NRG1: variants seen among roughly 807,000 people sequenced by gnomAD.
NRG1 encodes the protein pro-neuregulin-1, membrane-bound isoform.
NRG1 carries 18 observed loss-of-function variants against 63.8 expected under a neutral mutation model. The observed-to-expected ratio is 0.28, with a 90% CI of 0.19 to 0.42. The LOEUF (loss-of-function observed/expected upper bound fraction) is 0.42. Among genes scored for constraint, NRG1 ranks in the 10% least tolerant of loss-of-function variants. The pLI is 1.00. For synonymous variants in NRG1, 302 were observed against 301.3 expected, an observed-to-expected ratio of 1.00 and a Z score of -0.02; for missense variants, 762 against 814.7, an observed-to-expected ratio of 0.94 and a Z score of 0.79.
intron 1 of NRG1, among the ~76,000 whole-genome samples, chr8:31,810,917 C>T (rs1822820054): frequency 6.6e-6 from 1 of 152,140 alleles, no homozygotes; most frequent in Non-Finnish European, 1.5e-5. Flanking sequence ...GAAGGTTTTG[C>T]TTTACTGTGA....
At chr8:32,406,234 G>A (rs1813957373) in intron 1 of NRG1, among the ~76,000 whole-genome samples, 1 of 152,078 alleles carries the variant, frequency 6.6e-6, no homozygotes, top group Admixed American at 6.6e-5. Flanking sequence ...AGAATTACAT[G>A]GGATAATTCA....
At position 32,672,784 on chromosome 8, in the gene NRG1, A is replaced by G. The variant is rs575907766; in HGVS notation, c.503-55165A>G. On this transcript the variant is annotated intron_variant, in intron 5 of 11. Coordinates refer to ENST00000356819, the Ensembl canonical transcript of NRG1. ...AAATAATATCAATAACAATATAGTA[A>G]TAATGGCCATTGTTGTTGTTATGTT... is the stretch of plus-strand genomic sequence containing the variant. 3.4e-3 allele frequency among the ~76,000 whole-genome samples: 517 copies of G among 152,298 alleles called. 4 individuals carry two copies. The highest frequency in any genetic ancestry group is 0.012 in the African/African-American group (499 of 41,570).
intron 1 of NRG1, among the ~76,000 whole-genome samples, chr8:32,304,559 CT>C (rs1855977920): frequency 6.6e-6 from 1 of 151,666 alleles, no homozygotes; most frequent in Non-Finnish European, 1.5e-5. Context: ...TGATTTTTGA[CT>C]TTTAAATATT....
At chr8:31,668,165 A>AT (rs2130979488) in intron 1 of NRG1, among the ~76,000 whole-genome samples, 1 of 152,290 alleles carries the variant, frequency 6.6e-6, no homozygotes, top group Admixed American at 6.5e-5. Context: ...AGATTTTGTA[A>AT]TTTTCAAAAT....
Position 31,813,723 on chromosome 8 carries a change from TGTCA to T in NRG1, c.37+174293_37+174296del, listed in dbSNP as rs1230605381. On this transcript the variant is annotated intron_variant, in intron 1 of 10. Transcript: ENST00000519301. ...TTGTATTTTTTGTCAAGACAAGGTT[TGTCA>T]TGTTGTCCAGGCTGGTCTCGAACTC... 1.1e-4 allele frequency among the ~76,000 whole-genome samples: 16 copies of T among 152,058 alleles called. 1 individual carries two copies. The highest frequency in any genetic ancestry group is 3.6e-4 in the African/African-American group (15 of 41,478).
intron 1 of NRG1, among the ~76,000 whole-genome samples, chr8:32,153,763 A>G (rs1837757641): frequency 6.6e-6 from 1 of 152,216 alleles, no homozygotes. Context: ...CTGTGGGCAC[A>G]CTAGGGATGA....
At chr8:32,548,813 C>T in exon 1 of NRG1, 1 of 1,572,180 alleles carries the variant, frequency 6.4e-7, no homozygotes, top group Non-Finnish European at 8.6e-7. Context: ...CCGCGGCGGG[C>T]AGCCAGAGCC....
At chr8:32,214,125 G>A (rs1307786053) in intron 1 of NRG1, among the ~76,000 whole-genome samples, 3 of 152,066 alleles carry the variant, frequency 2.0e-5, no homozygotes, top group African/African-American at 7.2e-5. Context: ...TAGTAGAGAG[G>A]GGAGGGAAAA....
At chr8:31,851,756 C>T (rs1463766081) in intron 1 of NRG1, among the ~76,000 whole-genome samples, 1 of 114,532 alleles carries the variant, frequency 8.7e-6, no homozygotes, top group Admixed American at 1.0e-4. Flanking sequence ...CATCCCTCCC[C>T]CCTCCCCCCA....
At chr8:31,779,138 A>G (rs1369148628) in intron 1 of NRG1, among the ~76,000 whole-genome samples, 2 of 151,994 alleles carry the variant, frequency 1.3e-5, no homozygotes, top group African/African-American at 4.8e-5. Flanking sequence ...ATCTTGGTGG[A>G]TTCTTAAGAA....
intron 1 of NRG1, among the ~76,000 whole-genome samples, chr8:32,590,367 TAGAG>T (rs887085172): frequency 1.3e-5 from 2 of 152,152 alleles, no homozygotes; most frequent in Admixed American, 1.3e-4. Context: ...TAGAAACACA[TAGAG>T]AGCAAAATTA....
intron 1 of NRG1, among the ~76,000 whole-genome samples, chr8:32,535,933 A>G (rs890883773): frequency 1.3e-5 from 2 of 152,174 alleles, no homozygotes; most frequent in African/African-American, 2.4e-5. Context: ...AGCAGAGATC[A>G]TTACCACACA....
chr8:32,558,744 G>A (rs1184555007), intron 1 of NRG1, among the ~76,000 whole-genome samples: 1 of 152,078 alleles, frequency 6.6e-6, no homozygotes, highest in East Asian at 1.9e-4. Context: ...TCCACAGCTG[G>A]ATGGCATAGT....
chr8:32,470,867 G>A (rs6994430), intron 1 of NRG1, among the ~76,000 whole-genome samples: 96,021 of 151,386 alleles, frequency 0.63, 30,698 homozygotes, highest in East Asian at 0.8. Context: ...GCATGATGAT[G>A]GCTCACTGCA....
downstream of NRG1, among the ~76,000 whole-genome samples, chr8:32,771,636 G>C (rs1422359640): frequency 1.4e-5 from 2 of 146,080 alleles, no homozygotes; most frequent in Non-Finnish European, 3.0e-5. Context: ...GAACAAAAAT[G>C]ATCTTAGATC....
intron 1 of NRG1, among the ~76,000 whole-genome samples, chr8:32,151,721 G>A (rs576561629): frequency 1.3e-5 from 2 of 152,294 alleles, no homozygotes; most frequent in East Asian, 3.9e-4. Context: ...GAGAGGAGGA[G>A]CTGGAAGAAC....
At chr8:32,213,118 T>C (rs1844857406) in intron 1 of NRG1, among the ~76,000 whole-genome samples, 1 of 152,138 alleles carries the variant, frequency 6.6e-6, no homozygotes, top group Non-Finnish European at 1.5e-5. Context: ...TCACTGGTGC[T>C]CCAAAGAAAA....
chr8:32,318,189 A>G (rs184486587), intron 1 of NRG1, among the ~76,000 whole-genome samples: 24 of 152,316 alleles, frequency 1.6e-4, no homozygotes, highest in Admixed American at 1.4e-3. Context: ...TAAGACAGAG[A>G]TGTTATCTGT....
chr8:31,877,037 A>G (rs1829980317), intron 1 of NRG1, among the ~76,000 whole-genome samples: 1 of 152,176 alleles, frequency 6.6e-6, no homozygotes, highest in Non-Finnish European at 1.5e-5. Context: ...CAAGACACAC[A>G]TCCAAATCAC....
Sources: gnomAD v4.1 joint callset for allele counts (sites outside exome capture counted in the v4.1 genomes callset) on GRCh38, gnomAD v4.1.1 for gene constraint, MANE v1.5 for transcripts, NCBI Gene and HGNC (gene_info 2026-07-23, HGNC 2026-07-21) for gene names.